Variants in ORC2 observed in about 807,000 individuals in gnomAD.
The protein encoded by ORC2 is origin recognition complex protein 2 homolog.
In ORC2, 37 loss-of-function variants were observed where a neutral mutation model predicts 77.7. The ratio of observed to expected loss-of-function variants is 0.48; its 90% CI spans 0.37 to 0.63. ORC2 has a LOEUF of 0.63. Among genes scored for constraint, ORC2 ranks in the 20% least tolerant of loss-of-function variants. ORC2 has a pLI of 0.00. For missense variants in ORC2, 557 were observed against 661.9 expected (o/e 0.84, Z 1.74); for synonymous variants, 201 against 229.5 (o/e 0.88, Z 1.12).
At chr2:200,942,940 C>G in intron 5 of ORC2, 163 bp from the exon 6 acceptor site, 1 of 406,326 alleles carries the variant, frequency 2.5e-6, no homozygotes. Context: ...CCTTTATTAG[C>G]TGTCTTCCCA....
chr2:200,930,889 C>T (rs1376531936), intron 11 of ORC2, among the ~76,000 whole-genome samples: 1 of 151,986 alleles, frequency 6.6e-6, no homozygotes, highest in Non-Finnish European at 1.5e-5. Flanking sequence ...TAAAATAATG[C>T]TTATAGAACA....
At chr2:200,955,157 C>T (rs183802413) in intron 4 of ORC2, among the ~76,000 whole-genome samples, 28 of 152,302 alleles carry the variant, frequency 1.8e-4, no homozygotes, top group Admixed American at 1.8e-3. Flanking sequence ...AAACATACTA[C>T]TTTTTTAAGA....
At chr2:200,911,487 G>A (rs1011046715) in intron 17 of ORC2, 100 bp from the exon 18 acceptor site, 1 of 630,138 alleles carries the variant, frequency 1.6e-6, no homozygotes, top group Non-Finnish European at 2.7e-6. Flanking sequence ...TTTCTTGGAT[G>A]TAATTTTTAA....
At chr2:200,915,268 C>G (rs1004240276) in intron 15 of ORC2, among the ~76,000 whole-genome samples, 1 of 151,960 alleles carries the variant, frequency 6.6e-6, no homozygotes, top group Non-Finnish European at 1.5e-5. Context: ...CCGCCTCGGC[C>G]TGATTTTTCC....
At position 200,945,329 on chromosome 2, in the gene ORC2, G is replaced by T. The variant is rs552566901; in HGVS notation, c.329-2552C>A. 2.6e-5 allele frequency among the ~76,000 whole-genome samples: 4 copies of T among 152,304 alleles called. No individual in the cohort carries two copies. The South Asian group carries it at 8.3e-4, about 32-fold the overall frequency. On this transcript the variant is annotated intron_variant, in intron 5 of 17. Coordinates refer to ENST00000234296, the MANE Select transcript of ORC2 (RefSeq NM_006190.5). ...CCAGCACTTTGGGAGACCGAGGTGG[G>T]TGGATCACTTGAGTCTAGGAGTTCG...
chr2:200,958,045 G>C lies in ORC2; in HGVS notation c.79C>G (p.Leu27Val). The C allele has an allele frequency of 6.3e-7, 1 of 1,593,734 alleles. No homozygotes were observed. The highest frequency in any genetic ancestry group is 8.6e-7 in the Non-Finnish European group (1 of 1,162,152). Residue 27 changes from leucine (L) to valine (V), a missense_variant, in exon 3 of 18, where the codon CTA (leucine) becomes GTA (valine). Coordinates refer to ENST00000234296, the MANE Select transcript of ORC2 (RefSeq NM_006190.5). ...VGDDDVLNHI[L>V]DREGGAKLKK... ...CACTTAATACCTCCTTCTCTATCTA[G>C]AATGTGATTAAGAACATCATCATCT...
At chr2:200,937,057 T>C (rs185841214) in intron 8 of ORC2, among the ~76,000 whole-genome samples, 32 of 152,200 alleles carry the variant, frequency 2.1e-4, no homozygotes, top group Non-Finnish European at 4.1e-4. Context: ...CAGGTGTGCA[T>C]TGACTGCTGC....
chr2:200,938,187 C>A (rs1274762483), intron 7 of ORC2, among the ~76,000 whole-genome samples: 1 of 152,160 alleles, frequency 6.6e-6, no homozygotes, highest in Non-Finnish European at 1.5e-5. Context: ...TGCCACCACA[C>A]CCAGCTAATT....
At chr2:200,950,710 T>C (rs914378223) in intron 4 of ORC2, among the ~76,000 whole-genome samples, 1 of 152,236 alleles carries the variant, frequency 6.6e-6, no homozygotes, top group African/African-American at 2.4e-5. Flanking sequence ...AAAGTTGTTT[T>C]CATTTAAATA....
intron 7 of ORC2, among the ~76,000 whole-genome samples, chr2:200,939,675 C>A (rs1271074754): frequency 6.6e-6 from 1 of 152,308 alleles, no homozygotes; most frequent in East Asian, 1.9e-4. Flanking sequence ...AAGCCCGATA[C>A]ATATTTTCTC....
intron 15 of ORC2, among the ~76,000 whole-genome samples, chr2:200,916,957 G>A (rs1465244440): frequency 6.8e-6 from 1 of 146,636 alleles, no homozygotes; most frequent in East Asian, 2.0e-4. Context: ...GCCTCACAAA[G>A]TGCTGGGATT....
chr2:200,939,759 T>G (rs1050005352), intron 7 of ORC2, among the ~76,000 whole-genome samples: 2 of 152,236 alleles, frequency 1.3e-5, no homozygotes, highest in Non-Finnish European at 2.9e-5. Context: ...GATAGGTAGC[T>G]TTGTTTCATC....
At chr2:200,920,424 C>A (rs764971056) in intron 14 of ORC2, 31 bp from the exon 15 acceptor site, 3 of 1,450,066 alleles carry the variant, frequency 2.1e-6, no homozygotes, top group Non-Finnish European at 2.8e-6. Flanking sequence ...ACAAGAATTA[C>A]AAATTATTTT....
At chr2:200,957,238 G>GT (rs1235200712) in intron 4 of ORC2, among the ~76,000 whole-genome samples, 163 bp downstream of exon 4, 1 of 152,216 alleles carries the variant, frequency 6.6e-6, no homozygotes, top group Middle Eastern at 3.4e-3. Flanking sequence ...AGGACTGGTT[G>GT]TTAAAAAAAA....
chr2:200,917,025 C>A (rs2124934218), intron 15 of ORC2, among the ~76,000 whole-genome samples: 1 of 136,318 alleles, frequency 7.3e-6, no homozygotes, highest in East Asian at 2.1e-4. Flanking sequence ...GACAGAGTCT[C>A]ACTCTGTTGC....
chr2:200,947,508 T>C (rs1341512319), intron 5 of ORC2, among the ~76,000 whole-genome samples: 16 of 152,354 alleles, frequency 1.1e-4, no homozygotes, highest in African/African-American at 3.1e-4. Flanking sequence ...GAAATATCCA[T>C]AGGTGTTTTA....
intron 11 of ORC2, among the ~76,000 whole-genome samples, chr2:200,929,586 T>C (rs2040902607): frequency 6.6e-6 from 1 of 151,990 alleles, no homozygotes; most frequent in Non-Finnish European, 1.5e-5. Flanking sequence ...GCCCAGGGGT[T>C]TGAGACCAGC....
intron 11 of ORC2, among the ~76,000 whole-genome samples, chr2:200,929,763 G>A (rs2040905776): frequency 1.3e-5 from 2 of 151,630 alleles, no homozygotes; most frequent in African/African-American, 4.8e-5. Context: ...ACCATTCTGG[G>A]TGACAGAGTG....
intron 4 of ORC2, among the ~76,000 whole-genome samples, chr2:200,951,115 T>C (rs1407646755): frequency 1.3e-5 from 2 of 152,216 alleles, no homozygotes; most frequent in South Asian, 2.1e-4. Flanking sequence ...GTTGGAATCA[T>C]ACAGTATGTA....
Sources: gnomAD v4.1 joint callset for allele counts (sites outside exome capture counted in the v4.1 genomes callset) on GRCh38, gnomAD v4.1.1 for gene constraint, MANE v1.5 for transcripts, NCBI Gene and HGNC (gene_info 2026-07-23, HGNC 2026-07-21) for gene names.